The following AKAP6 variants were observed in gnomAD, a reference collection of about 807,000 sequenced individuals.
AKAP6 encodes A-kinase anchoring protein 6, also known as A-kinase anchor protein 6.
AKAP6 carries 58 observed loss-of-function variants against 188.5 expected under a neutral mutation model. That is an observed-to-expected ratio of 0.31 (90% CI 0.25 to 0.38). AKAP6 has a LOEUF of 0.38. AKAP6 is among the 10% of genes least tolerant of loss of function. The pLI, the probability that AKAP6 is intolerant of heterozygous loss-of-function variation, is 1.00. For missense variants in AKAP6, 2,710 were observed against 2,740.0 expected (o/e 0.99, Z 0.24); for synonymous variants, 989 against 998.6 (o/e 0.99, Z 0.18).
In AKAP6 at chr14:32,551,137, C is replaced by T. The variant is rs560602257; in HGVS notation, c.2346+4138C>T. ...CCTTTCCTAGAACATACTTGGCATG[C>T]TTCTTGCCTTTAGGATCATTGTCAG... On this transcript the variant is annotated intron_variant, in intron 4 of 13. Transcript: ENST00000280979. 9.2e-5 allele frequency among the ~76,000 whole-genome samples: 14 copies of T among 152,318 alleles called. No individual in the cohort carries two copies. In the South Asian group the frequency reaches 2.7e-3, roughly 29 times the overall value.
intron 12 of AKAP6, 33 bp downstream of exon 12, chr14:32,773,926 G>C: frequency 6.3e-7 from 1 of 1,594,376 alleles, no homozygotes; most frequent in South Asian, 1.1e-5. Context: ...ATAATTGTCT[G>C]TCATTTTCTC....
intron 2 of AKAP6, among the ~76,000 whole-genome samples, chr14:32,463,360 C>G (rs1457008977): frequency 2.6e-5 from 4 of 152,208 alleles, no homozygotes; most frequent in Admixed American, 6.5e-5. Flanking sequence ...GTAAAACACT[C>G]CTCACCAAAT....
intron 2 of AKAP6, among the ~76,000 whole-genome samples, chr14:32,448,054 G>C (rs1424570923): frequency 6.6e-6 from 1 of 152,180 alleles, no homozygotes; most frequent in East Asian, 1.9e-4. Flanking sequence ...CTATAAATGA[G>C]GTAAAGTTGA....
intron 7 of AKAP6, among the ~76,000 whole-genome samples, chr14:32,653,469 C>T (rs557527512): frequency 6.6e-6 from 1 of 152,178 alleles, no homozygotes; most frequent in South Asian, 2.1e-4. Flanking sequence ...CTCACTCTCT[C>T]ACTTGCTCCT....
intron 1 of AKAP6, among the ~76,000 whole-genome samples, chr14:32,359,777 G>C (rs960178511): frequency 6.6e-6 from 1 of 152,086 alleles, no homozygotes. Context: ...GTTTCCTCCT[G>C]AATAGGCTGA....
intron 8 of AKAP6, 40 bp downstream of exon 8, chr14:32,678,499 C>G: frequency 1.2e-6 from 2 of 1,606,300 alleles, no homozygotes; most frequent in East Asian, 2.2e-5. Context: ...TCTCACTAAT[C>G]TATTTTTTCA....
chr14:32,405,489 A>C (rs974419967), intron 1 of AKAP6, among the ~76,000 whole-genome samples: 1 of 152,236 alleles, frequency 6.6e-6, no homozygotes, highest in Non-Finnish European at 1.5e-5. Context: ...AAAATATTTC[A>C]TGTATAATCT....
At chr14:32,767,712 TA>T (rs1228401414) in intron 11 of AKAP6, among the ~76,000 whole-genome samples, 1 of 152,168 alleles carries the variant, frequency 6.6e-6, no homozygotes, top group Non-Finnish European at 1.5e-5. Context: ...CCACCTTTCT[TA>T]CCTTCAGCAA....
At chr14:32,433,194 G>A (rs1156899092) in intron 1 of AKAP6, 1 of 304,048 alleles carries the variant, frequency 3.3e-6, no homozygotes, top group Non-Finnish European at 6.2e-6. Context: ...CCAGGATTTT[G>A]TTACTAAGAA....
At chr14:32,818,226 T>A (rs993909355) in intron 12 of AKAP6, among the ~76,000 whole-genome samples, 2 of 152,168 alleles carry the variant, frequency 1.3e-5, no homozygotes, top group Non-Finnish European at 2.9e-5. Flanking sequence ...AAGAGGTTTA[T>A]AAGAGCAGAG....
At chr14:32,501,336 G>A (rs1880600990) in intron 2 of AKAP6, among the ~76,000 whole-genome samples, 1 of 152,010 alleles carries the variant, frequency 6.6e-6, no homozygotes, top group Admixed American at 6.6e-5. Context: ...CTACCACATT[G>A]GACAGTACAG....
chr14:32,643,500 G>A (rs552682125), intron 7 of AKAP6, among the ~76,000 whole-genome samples: 1 of 151,926 alleles, frequency 6.6e-6, no homozygotes, highest in East Asian at 1.9e-4. Flanking sequence ...TAGAGACGGG[G>A]TTTCACCATG....
chr14:32,509,197 T>C (rs2139011901), intron 2 of AKAP6, among the ~76,000 whole-genome samples: 1 of 147,718 alleles, frequency 6.8e-6, no homozygotes, highest in African/African-American at 2.5e-5. Context: ...CGATCTCGGC[T>C]CACTGCAACC....
intron 13 of AKAP6, among the ~76,000 whole-genome samples, chr14:32,827,195 T>A (rs1487673489): frequency 6.6e-6 from 1 of 152,224 alleles, no homozygotes; most frequent in East Asian, 1.9e-4. Flanking sequence ...AATATGAGGT[T>A]TCATGTCTAC....
chr14:32,737,435 A>C (rs1322985977), intron 11 of AKAP6, among the ~76,000 whole-genome samples: 1 of 152,202 alleles, frequency 6.6e-6, no homozygotes, highest in Non-Finnish European at 1.5e-5. Context: ...ATAATAACGT[A>C]ATATAATGTT....
chr14:32,490,070 C>T (rs1262661817), intron 2 of AKAP6, among the ~76,000 whole-genome samples: 1 of 151,698 alleles, frequency 6.6e-6, no homozygotes, highest in African/African-American at 2.4e-5. Context: ...TACAGAGAAC[C>T]TTCTTAAGGG....
intron 8 of AKAP6, among the ~76,000 whole-genome samples, chr14:32,681,677 ATTTTTT>A (rs34833229): frequency 1.4e-5 from 2 of 138,186 alleles, no homozygotes; most frequent in African/African-American, 5.4e-5. Context: ...AATTTGACAA[ATTTTTT>A]TTTTTTTTTT....
intron 9 of AKAP6, among the ~76,000 whole-genome samples, chr14:32,707,025 A>G (rs1166669992): frequency 6.6e-6 from 1 of 152,148 alleles, no homozygotes; most frequent in East Asian, 1.9e-4. Context: ...AGACATTTAC[A>G]TAAAGAAAAT....
intron 12 of AKAP6, among the ~76,000 whole-genome samples, chr14:32,789,516 G>A (rs1437989513): frequency 1.3e-5 from 2 of 152,204 alleles, no homozygotes; most frequent in Admixed American, 1.3e-4. Context: ...AGCTTCCAGA[G>A]GAAGGAGCTG....
Sources: gnomAD v4.1 joint callset for allele counts (sites outside exome capture counted in the v4.1 genomes callset) on GRCh38, gnomAD v4.1.1 for gene constraint, MANE v1.5 for transcripts, NCBI Gene and HGNC (gene_info 2026-07-23, HGNC 2026-07-21) for gene names.